The following MACROD2 variants were observed in gnomAD, a reference collection of about 807,000 sequenced individuals.
The protein encoded by MACROD2 is ADP-ribose glycohydrolase MACROD2.
MACROD2 carries 36 observed loss-of-function variants against 70.4 expected under a neutral mutation model. That is an observed-to-expected ratio of 0.51 (90% CI 0.39 to 0.68). The LOEUF (loss-of-function observed/expected upper bound fraction) is 0.68, where lower values mean the gene tolerates loss of function less well. Among genes scored for constraint, MACROD2 ranks in the 30% least tolerant of loss-of-function variants. The probability of loss-of-function intolerance (pLI) is 0.00; values close to 1 mark genes in which losing one functional copy is unlikely to be tolerated. For missense variants in MACROD2, 496 were observed against 538.4 expected, an observed-to-expected ratio of 0.92 and a Z score of 0.78; for synonymous variants, 172 against 178.8, an observed-to-expected ratio of 0.96 and a Z score of 0.30.
At chr20:15,104,202 C>A (rs1318025243) in intron 5 of MACROD2, among the ~76,000 whole-genome samples, 2 of 152,116 alleles carry the variant, frequency 1.3e-5, no homozygotes, top group African/African-American at 2.4e-5. Flanking sequence ...AACTGAAAGA[C>A]TAACCTAGAC....
chr20:13,999,367 C>G (rs2052703277), intron 1 of MACROD2, among the ~76,000 whole-genome samples: 1 of 152,166 alleles, frequency 6.6e-6, no homozygotes, highest in African/African-American at 2.4e-5. Context: ...TCTAATGAAA[C>G]TAATGTTCCT....
intron 8 of MACROD2, among the ~76,000 whole-genome samples, chr20:15,841,450 G>A (rs564288989): frequency 6.6e-6 from 1 of 152,276 alleles, no homozygotes; most frequent in South Asian, 2.1e-4. Flanking sequence ...GGGTTCTGGG[G>A]AGGCCTTAGG....
intron 8 of MACROD2, among the ~76,000 whole-genome samples, chr20:15,799,120 C>A (rs2063701263): frequency 6.6e-6 from 1 of 152,072 alleles, no homozygotes; most frequent in South Asian, 2.1e-4. Context: ...GGAAATTGGG[C>A]CTATAGTTTT....
intron 6 of MACROD2, among the ~76,000 whole-genome samples, chr20:15,243,461 C>T (rs545337290): frequency 5.3e-5 from 8 of 152,152 alleles, no homozygotes; most frequent in South Asian, 4.1e-4. Context: ...ACAGTAGAAT[C>T]GAAGGAAACA....
At chr20:15,935,334 C>T (rs762236983) in intron 11 of MACROD2, among the ~76,000 whole-genome samples, 5 of 152,126 alleles carry the variant, frequency 3.3e-5, no homozygotes, top group African/African-American at 4.8e-5. Context: ...GCTCGCCGGC[C>T]GGCACAGAGG....
chr20:15,826,189 A>T (rs1325153663), intron 8 of MACROD2, among the ~76,000 whole-genome samples: 4 of 152,242 alleles, frequency 2.6e-5, no homozygotes, highest in African/African-American at 9.6e-5. Flanking sequence ...ATTGTTAATT[A>T]CACACACCAA....
chr20:15,924,816 C>A (rs1224416024), intron 10 of MACROD2, among the ~76,000 whole-genome samples: 1 of 152,178 alleles, frequency 6.6e-6, no homozygotes, highest in African/African-American at 2.4e-5. Flanking sequence ...AATGTTTCAT[C>A]TTGCCAGTTC....
intron 6 of MACROD2, among the ~76,000 whole-genome samples, chr20:15,260,407 C>T (rs904085531): frequency 6.6e-6 from 1 of 151,338 alleles, no homozygotes; most frequent in Non-Finnish European, 1.5e-5. Flanking sequence ...CTTTGCCTGA[C>T]TTATTTCACT....
At chr20:14,256,813 G>T (rs1486583262) in intron 3 of MACROD2, among the ~76,000 whole-genome samples, 1 of 152,066 alleles carries the variant, frequency 6.6e-6, no homozygotes, top group Non-Finnish European at 1.5e-5. Context: ...TAGATATTTG[G>T]CTTAGCTATC....
chr20:15,871,259 C>G (rs565925308), intron 9 of MACROD2, among the ~76,000 whole-genome samples: 2 of 151,680 alleles, frequency 1.3e-5, no homozygotes, highest in East Asian at 3.9e-4. Flanking sequence ...GGGCACAAAA[C>G]TTTAAAATTT....
chr20:15,734,483 T>C (rs1478424776), intron 8 of MACROD2, among the ~76,000 whole-genome samples: 1 of 152,172 alleles, frequency 6.6e-6, no homozygotes, highest in African/African-American at 2.4e-5. Flanking sequence ...CCCAAAGCAC[T>C]GTCACTAGAA....
intron 3 of MACROD2, among the ~76,000 whole-genome samples, chr20:14,281,075 A>G (rs1031680166): frequency 6.6e-6 from 1 of 152,222 alleles, no homozygotes; most frequent in Non-Finnish European, 1.5e-5. Flanking sequence ...CTAAAATACT[A>G]CTAGTCTTTA....
intron 6 of MACROD2, among the ~76,000 whole-genome samples, chr20:15,420,316 G>A (rs141366948): frequency 6.4e-4 from 98 of 152,266 alleles, no homozygotes; most frequent in African/African-American, 2.3e-3. Flanking sequence ...AAAGCAGCTG[G>A]CAATAAATGA....
chr20:15,894,996 C>G (rs973276406), intron 10 of MACROD2, among the ~76,000 whole-genome samples: 6 of 152,180 alleles, frequency 3.9e-5, no homozygotes, highest in Non-Finnish European at 7.3e-5. Flanking sequence ...ACTCACCTTT[C>G]CCCTAGAGAA....
chr20:14,360,867 T>C (rs2083214476), intron 3 of MACROD2, among the ~76,000 whole-genome samples: 1 of 152,220 alleles, frequency 6.6e-6, no homozygotes, highest in Admixed American at 6.5e-5. Context: ...TCACACTGAA[T>C]AGATTTTATT....
chr20:14,860,213 G>A (rs977919535), intron 5 of MACROD2, among the ~76,000 whole-genome samples: 3 of 152,064 alleles, frequency 2.0e-5, no homozygotes, highest in African/African-American at 7.2e-5. Context: ...TTCTGAATAT[G>A]GCCTCAAATA....
chr20:15,117,961 T>C (rs577769631), intron 5 of MACROD2, among the ~76,000 whole-genome samples: 1 of 152,254 alleles, frequency 6.6e-6, no homozygotes, highest in African/African-American at 2.4e-5. Context: ...TGTTTGTTTT[T>C]TCCCCACTCC....
chr20:15,778,648 C>T (rs1020377138), intron 8 of MACROD2, among the ~76,000 whole-genome samples: 6 of 151,822 alleles, frequency 4.0e-5, no homozygotes, highest in African/African-American at 1.2e-4. Context: ...AAATATTTTA[C>T]TTTAGGTACA....
intron 10 of MACROD2, among the ~76,000 whole-genome samples, chr20:15,918,190 A>G (rs1314367437): frequency 6.6e-6 from 1 of 152,218 alleles, no homozygotes; most frequent in African/African-American, 2.4e-5. Context: ...AAAACTGACC[A>G]AAAAATCATA....
Sources: gnomAD v4.1 joint callset for allele counts (sites outside exome capture counted in the v4.1 genomes callset) on GRCh38, gnomAD v4.1.1 for gene constraint, MANE v1.5 for transcripts, NCBI Gene and HGNC (gene_info 2026-07-23, HGNC 2026-07-21) for gene names.